Variants in CFTR observed in about 807,000 individuals in gnomAD.
CFTR encodes the protein CF transmembrane conductance regulator, also known as cystic fibrosis transmembrane conductance regulator.
CFTR carries 181 observed loss-of-function variants against 171.6 expected under a neutral mutation model. That is an observed-to-expected ratio of 1.05 (90% CI 0.93 to 1.19). The LOEUF (loss-of-function observed/expected upper bound fraction) is 1.19. Ranked by LOEUF, CFTR falls within the 50% of genes most tolerant of loss-of-function variation. The pLI is 0.00. For synonymous variants in CFTR, 583 were observed against 608.0 expected (o/e 0.96, Z 0.60); for missense variants, 1,968 against 1,734.7 (o/e 1.13, Z -2.39).
In CFTR at chr7:117,610,557, A is replaced by T. The variant is rs1209591790; in HGVS notation, c.3027A>T (p.Ala1009=). ...TGATTGGAGCTATAGCAGTTGTCGC[A>T]GTTTTACAACCCTACATCTTTGTTG... ...LIVIGAIAVV[A]VLQPYIFVAT... is the part of the protein sequence containing the mutation. Residue 1009 remains alanine (A), a synonymous_variant, in exon 19 of 27, where the codon GCA becomes GCT. Transcript: ENST00000003084. 1 of 1,613,562 alleles carries T rather than the reference A, an allele frequency of 6.2e-7. No individual in the cohort carries two copies. Among genetic ancestry groups the T allele is most frequent in the Admixed American group, 1.7e-5 (1 of 59,954 alleles).
At chr7:117,576,897 T>C (rs555095811) in intron 11 of CFTR, among the ~76,000 whole-genome samples, 2 of 152,216 alleles carry the variant, frequency 1.3e-5, no homozygotes, top group East Asian at 1.9e-4. Context: ...TTGGAACATA[T>C]TGCCTGCAAT....
chr7:117,529,380 G>T (rs1354035611), intron 3 of CFTR, among the ~76,000 whole-genome samples: 1 of 111,444 alleles, frequency 9.0e-6, no homozygotes, highest in South Asian at 3.9e-4. Flanking sequence ...GTCGGGGGAG[G>T]GGGGAGGGAT....
At chr7:117,509,250 G>A in intron 3 of CFTR, 108 bp downstream of exon 3, 1 of 750,344 alleles carries the variant, frequency 1.3e-6, no homozygotes, top group Non-Finnish European at 2.4e-6. Context: ...TATAAAGGAT[G>A]AATCCAACTC....
Position 117,591,915 on chromosome 7 carries a change from A to T in CFTR, c.1767-19A>T. 3 of 1,477,082 alleles carry T rather than the reference A, an allele frequency of 2.0e-6. No individual in the cohort carries two copies. Among genetic ancestry groups the T allele is most frequent in the Non-Finnish European group, 2.8e-6 (3 of 1,082,910 alleles). The allele number at this position is 1,477,082 out of a possible 1,614,324, so 91.5% of individuals were successfully genotyped here. The stretch of plus-strand genomic sequence containing the variant: ...AAGTATTTATAAAATTGATATTTAT[A>T]TGTTTTTATATCTTAAAGCTGTGTC... On this transcript the variant is annotated intron_variant, in intron 13 of 26. Coordinates refer to ENST00000003084, the MANE Select transcript of CFTR (RefSeq NM_000492.4).
At chr7:117,570,242 A>C (rs1791669487) in intron 11 of CFTR, among the ~76,000 whole-genome samples, 1 of 152,060 alleles carries the variant, frequency 6.6e-6, no homozygotes, top group African/African-American at 2.4e-5. Flanking sequence ...AAAACAAAAA[A>C]AGAGGCAGAA....
chr7:117,592,944 G>T (rs1461700105), intron 14 of CFTR, among the ~76,000 whole-genome samples: 1 of 152,168 alleles, frequency 6.6e-6, no homozygotes, highest in East Asian at 1.9e-4. Context: ...GAAAGCATTT[G>T]CTTTATTACC....
chr7:117,588,654 G>T (rs1791982704), intron 12 of CFTR, among the ~76,000 whole-genome samples: 1 of 152,062 alleles, frequency 6.6e-6, no homozygotes, highest in Admixed American at 6.6e-5. Flanking sequence ...ACCTGCAATT[G>T]CCTGGTAGTA....
intron 22 of CFTR, among the ~76,000 whole-genome samples, chr7:117,640,682 C>T (rs576572588): frequency 3.3e-5 from 5 of 152,256 alleles, no homozygotes; most frequent in African/African-American, 1.2e-4. Context: ...AATCATGACA[C>T]ATGATGAATG....
intron 4 of CFTR, among the ~76,000 whole-genome samples, 168 bp downstream of exon 4, chr7:117,531,282 G>A (rs1440131120): frequency 6.6e-6 from 1 of 151,864 alleles, no homozygotes; most frequent in East Asian, 1.9e-4. Flanking sequence ...AATTATCCTT[G>A]ATAATTTAAT....
At chr7:117,504,134 A>G in intron 1 of CFTR, 119 bp from the exon 2 acceptor site, 1 of 713,326 alleles carries the variant, frequency 1.4e-6, no homozygotes, top group Non-Finnish European at 2.6e-6. Flanking sequence ...GACTTATTTT[A>G]TTCTCATATT....
intron 15 of CFTR, among the ~76,000 whole-genome samples, chr7:117,601,191 G>A (rs1456764406): frequency 6.6e-6 from 1 of 152,026 alleles, no homozygotes; most frequent in African/African-American, 2.4e-5. Flanking sequence ...GACTTAGAAT[G>A]TACACCCTTA....
intron 20 of CFTR, among the ~76,000 whole-genome samples, chr7:117,612,016 T>TAC (rs1562914968): frequency 1.7e-4 from 8 of 46,204 alleles, no homozygotes; most frequent in African/African-American, 2.3e-4. Flanking sequence ...GATATATATA[T>TAC]ATATATGTAT....
At chr7:117,500,546 TCCC>T (rs1798308049) in intron 1 of CFTR, among the ~76,000 whole-genome samples, 1 of 152,050 alleles carries the variant, frequency 6.6e-6, no homozygotes, top group African/African-American at 2.4e-5. Flanking sequence ...CACCTCGGCC[TCCC>T]AAAGTGCTGG....
Position 117,667,181 on chromosome 7 carries a change from T to C in CFTR, c.*73T>C, listed in dbSNP as rs142602860. ...CTCGTGGGACAGTCACCTCATGGAA[T>C]TGGAGCTCGTGGAACAGTTACCTCT... is the stretch of plus-strand genomic sequence containing the variant. On this transcript the variant is annotated 3_prime_UTR_variant, in exon 27 of 27. Transcript: ENST00000003084. 56 of 1,343,652 alleles carry C rather than the reference T, an allele frequency of 4.2e-5. No individual in the cohort carries two copies. In the East Asian group the frequency reaches 1.3e-3, roughly 32 times the overall value. The allele number at this position is 1,343,652 out of a possible 1,614,324, so 83.2% of individuals were successfully genotyped here. A position where few individuals can be genotyped will look rare whatever the true frequency, so the allele number is the denominator to read the frequency against.
At position 117,521,686 on chromosome 7, in the gene CFTR, A is replaced by G. The variant is rs181946714; in HGVS notation, c.274-9213A>G. Among the ~76,000 whole-genome samples the G allele has an allele frequency of 2.0e-4, 31 of 152,304 alleles. No individual in the cohort carries two copies. The East Asian group carries it at 5.4e-3, about 27-fold the overall frequency. The stretch of plus-strand genomic sequence containing the variant: ...TGATTTTATTAAGTGACCTCACACA[A>G]TAGAAAACAGTGTAGCCTTAGAAGT... On this transcript the variant is annotated intron_variant, in intron 3 of 26. Coordinates refer to ENST00000003084, the MANE Select transcript of CFTR (RefSeq NM_000492.4).
intron 20 of CFTR, 37 bp downstream of exon 20, chr7:117,611,845 G>T (rs137854873): frequency 6.8e-7 from 1 of 1,476,648 alleles, no homozygotes; most frequent in Non-Finnish European, 9.4e-7. Context: ...AAGCATTTAA[G>T]TAAAAAATTT....
chr7:117,585,936 G>T (rs1791926602), intron 11 of CFTR, among the ~76,000 whole-genome samples: 1 of 152,128 alleles, frequency 6.6e-6, no homozygotes, highest in African/African-American at 2.4e-5. Context: ...GAGCCACTAT[G>T]CCCAACCAGA....
intron 15 of CFTR, among the ~76,000 whole-genome samples, chr7:117,596,133 G>C (rs1463716397): frequency 6.6e-6 from 1 of 151,658 alleles, no homozygotes; most frequent in Non-Finnish European, 1.5e-5. Context: ...CCCTCAGCTT[G>C]CGGGGAGGTG....
intron 11 of CFTR, among the ~76,000 whole-genome samples, chr7:117,566,610 A>AC (rs1227095208): frequency 6.6e-6 from 1 of 152,032 alleles, no homozygotes; most frequent in African/African-American, 2.4e-5. Flanking sequence ...AAAAAAAAAA[A>AC]AAAACTATTG....
Sources: allele counts gnomAD v4.1 joint callset (sites outside exome capture counted in the v4.1 genomes callset), GRCh38; gene constraint gnomAD v4.1.1; transcripts MANE v1.5; gene names NCBI Gene and HGNC (gene_info 2026-07-23, HGNC 2026-07-21).